The following PARM1 variants were observed in gnomAD, a reference collection of about 807,000 sequenced individuals.
PARM1 encodes prostate androgen-regulated mucin-like protein 1, also known as WSC4, cell wall integrity and stress response component 4 homolog.
A neutral mutation model predicts 24.6 loss-of-function variants in PARM1; 14 were observed. The ratio of observed to expected loss-of-function variants is 0.57; its 90% confidence interval spans 0.38 to 0.89. PARM1 has a LOEUF of 0.89. Ranked by LOEUF, PARM1 falls within the 40% of genes least tolerant of loss-of-function variation. PARM1 has a pLI of 0.00. For missense variants in PARM1, 362 were observed against 380.4 expected, an observed-to-expected ratio of 0.95 and a Z score of 0.40; for synonymous variants, 179 against 156.6, an observed-to-expected ratio of 1.14 and a Z score of -1.07.
intron 1 of PARM1, among the ~76,000 whole-genome samples, chr4:74,991,805 G>C (rs1317978495): frequency 1.3e-5 from 2 of 152,138 alleles, no homozygotes; most frequent in East Asian, 3.9e-4. Flanking sequence ...CAAGCTGAGA[G>C]AATCAAAATG....
intron 2 of PARM1, among the ~76,000 whole-genome samples, chr4:75,028,684 A>T (rs1275208182): frequency 6.6e-6 from 1 of 152,208 alleles, no homozygotes; most frequent in African/African-American, 2.4e-5. Context: ...TATGGATAGC[A>T]GTGAGACACT....
intron 1 of PARM1, among the ~76,000 whole-genome samples, chr4:74,994,574 C>G (rs536401597): frequency 6.6e-6 from 1 of 151,952 alleles, no homozygotes; most frequent in Non-Finnish European, 1.5e-5. Context: ...TTTGGAAGGC[C>G]GAGGCAGGTG....
At chr4:74,947,163 T>C (rs1358161323) in intron 1 of PARM1, among the ~76,000 whole-genome samples, 8 of 152,210 alleles carry the variant, frequency 5.3e-5, no homozygotes, top group African/African-American at 1.7e-4. Flanking sequence ...GAATGCACCA[T>C]ATCCTATGAA....
intron 1 of PARM1, among the ~76,000 whole-genome samples, chr4:75,007,059 G>A (rs1722786514): frequency 6.6e-6 from 1 of 152,144 alleles, no homozygotes; most frequent in East Asian, 1.9e-4. Flanking sequence ...CAAAAAGTGG[G>A]CGAAGGATAT....
At chr4:75,025,967 A>T (rs756708837) in intron 2 of PARM1, among the ~76,000 whole-genome samples, 2 of 152,242 alleles carry the variant, frequency 1.3e-5, no homozygotes, top group African/African-American at 2.4e-5. Flanking sequence ...GCTAATTTTT[A>T]TAAAGTTTAC....
rs1721100457 is a variant in PARM1 at position 74,933,126 on chromosome 4, G to C, written c.-202G>C. The C allele has an allele frequency of 1.9e-6, 1 of 526,000 alleles. No homozygotes were observed. The highest frequency in any genetic ancestry group is 4.0e-5 in the Admixed American group (1 of 25,192). 32.6% of individuals were successfully genotyped at this position (526,000 alleles called of 1,614,324 possible). A position where few individuals can be genotyped will look rare whatever the true frequency, so the allele number is the denominator to read the frequency against. On this transcript the variant is annotated 5_prime_UTR_variant, in exon 1 of 4. Transcript: ENST00000307428. ...CGGCTGGGATGGAGCAGAAGAGCGC[G>C]GAGCACCGGAGGGCACGCAGCTGAC... is the stretch of plus-strand genomic sequence containing the variant.
intron 1 of PARM1, among the ~76,000 whole-genome samples, chr4:74,975,374 C>T (rs1296081301): frequency 2.0e-5 from 3 of 152,182 alleles, no homozygotes; most frequent in Non-Finnish European, 4.4e-5. Context: ...GGATGTGAAG[C>T]TCCACCTAGA....
intron 2 of PARM1, among the ~76,000 whole-genome samples, chr4:75,024,578 T>C (rs1420565403): frequency 6.6e-6 from 1 of 152,252 alleles, no homozygotes; most frequent in Non-Finnish European, 1.5e-5. Flanking sequence ...GTGGAAGCTC[T>C]CACTTGCCAA....
intron 1 of PARM1, among the ~76,000 whole-genome samples, chr4:74,989,291 A>T (rs931646993): frequency 6.6e-6 from 1 of 152,142 alleles, no homozygotes; most frequent in African/African-American, 2.4e-5. Flanking sequence ...CCAGGAACTA[A>T]GTTGCTATTT....
intron 1 of PARM1, among the ~76,000 whole-genome samples, chr4:74,958,695 A>G (rs115047997): frequency 3.2e-4 from 48 of 152,284 alleles, no homozygotes; most frequent in African/African-American, 1.1e-3. Flanking sequence ...TAGCACTGCC[A>G]TTTCTAGAAT....
intron 1 of PARM1, 86 bp downstream of exon 1, chr4:74,933,456 C>A: frequency 8.4e-7 from 1 of 1,185,200 alleles, no homozygotes; most frequent in Non-Finnish European, 1.3e-6. Flanking sequence ...CTAGGAGATC[C>A]GGCAGTGAGT....
chr4:74,948,954 G>T (rs774876693), intron 1 of PARM1, among the ~76,000 whole-genome samples: 76 of 152,106 alleles, frequency 5.0e-4, no homozygotes, highest in South Asian at 8.3e-4. Flanking sequence ...CCCAGGAGGC[G>T]GAGGTTGCAG....
chr4:74,975,106 C>A (rs115465919), intron 1 of PARM1, among the ~76,000 whole-genome samples: 152 of 152,284 alleles, frequency 1.0e-3, no homozygotes, highest in African/African-American at 3.4e-3. Context: ...TTCACCTAAC[C>A]TTTGAATGTC....
Position 74,988,404 on chromosome 4 carries a change from C to T in PARM1, c.44-24021C>T, listed in dbSNP as rs115860421. 7.9e-3 allele frequency among the ~76,000 whole-genome samples: 1,198 copies of T among 152,172 alleles called. 8 individuals carry two copies. The highest frequency in any genetic ancestry group is 0.027 in the African/African-American group (1,122 of 41,516). ...ATTTACATAATGGTGGGAGAGATGGCGCGTATCAGTATACATATTTATGCT... is the reference window on the plus strand; with the variant it reads ...ATTTACATAATGGTGGGAGAGATGGTGCGTATCAGTATACATATTTATGCT... On this transcript the variant is annotated intron_variant, in intron 1 of 3. Coordinates refer to ENST00000307428, the MANE Select transcript of PARM1 (RefSeq NM_015393.4).
chr4:75,049,501 T>A lies in PARM1; in HGVS notation c.*3254T>A, dbSNP rs941771194. ...GCTATCTAAGCTCTGGACTACCCCT[T>A]TGTGCAGCTGAATCACTGCAGGGTT... On this transcript the variant is annotated 3_prime_UTR_variant, in exon 4 of 4. Transcript: ENST00000307428. The A allele has an allele frequency of 2.6e-5, 4 of 152,212 alleles. No individual in the cohort carries two copies. The highest frequency in any genetic ancestry group is 9.7e-5 in the African/African-American group (4 of 41,438). 9.4% of individuals were successfully genotyped at this position (152,212 alleles called of 1,614,324 possible).
chr4:75,038,541 C>A (rs948091864), intron 3 of PARM1, among the ~76,000 whole-genome samples: 5 of 152,172 alleles, frequency 3.3e-5, no homozygotes, highest in Non-Finnish European at 7.3e-5. Context: ...GGGAAGATGG[C>A]ACAGCAGCTC....
chr4:74,941,710 C>T (rs1006655370), intron 1 of PARM1, among the ~76,000 whole-genome samples: 4 of 152,142 alleles, frequency 2.6e-5, no homozygotes, highest in South Asian at 2.1e-4. Flanking sequence ...AAGGTAACCT[C>T]GGCATCATGA....
intron 2 of PARM1, among the ~76,000 whole-genome samples, chr4:75,020,907 A>G (rs1028435654): frequency 1.3e-5 from 2 of 152,216 alleles, no homozygotes; most frequent in East Asian, 3.9e-4. Flanking sequence ...CCCCCTGTCC[A>G]GTGTTGGCCT....
intron 1 of PARM1, among the ~76,000 whole-genome samples, chr4:74,939,282 T>C (rs1721255077): frequency 6.6e-6 from 1 of 152,120 alleles, no homozygotes; most frequent in Non-Finnish European, 1.5e-5. Flanking sequence ...TAAGAGCAGC[T>C]CTCTGGGTTA....
Sources: gnomAD v4.1 joint callset for allele counts (sites outside exome capture counted in the v4.1 genomes callset) on GRCh38, gnomAD v4.1.1 for gene constraint, MANE v1.5 for transcripts, NCBI Gene and HGNC (gene_info 2026-07-23, HGNC 2026-07-21) for gene names.